The following SEMA6D variants were observed in gnomAD, a reference collection of about 807,000 sequenced individuals.
SEMA6D encodes semaphorin-6D.
In SEMA6D, 35 loss-of-function variants were observed where a neutral mutation model predicts 106.6. The ratio of observed to expected loss-of-function variants is 0.33; its 90% CI spans 0.25 to 0.44. The LOEUF is 0.44. Among genes scored for constraint, SEMA6D ranks in the 20% least tolerant of loss-of-function variants. The probability of loss-of-function intolerance (pLI) is 1.00; values close to 1 mark genes in which losing one functional copy is unlikely to be tolerated. For missense variants in SEMA6D, 1,185 were observed against 1,345.9 expected (o/e 0.88, Z 1.87); for synonymous variants, 499 against 487.7 (o/e 1.02, Z -0.31).
At chr15:47,506,044 G>T (rs766413364) in intron 3 of SEMA6D, among the ~76,000 whole-genome samples, 4 of 152,160 alleles carry the variant, frequency 2.6e-5, no homozygotes, top group Non-Finnish European at 5.9e-5. Flanking sequence ...CAAAGTCAGG[G>T]CAGGAGAGCA....
chr15:47,721,436 G>C (rs1418202052), intron 1 of SEMA6D, among the ~76,000 whole-genome samples: 1 of 152,060 alleles, frequency 6.6e-6, no homozygotes, highest in East Asian at 1.9e-4. Flanking sequence ...CTAGTGTCTT[G>C]GGTTGCCGCT....
chr15:47,643,270 G>A (rs150738088), intron 4 of SEMA6D, among the ~76,000 whole-genome samples: 126 of 152,292 alleles, frequency 8.3e-4, no homozygotes, highest in African/African-American at 2.8e-3. Flanking sequence ...TCCCCACTAC[G>A]TAAAGTGTCC....
intron 1 of SEMA6D, among the ~76,000 whole-genome samples, chr15:47,220,457 G>A (rs282502): frequency 0.037 from 5,689 of 152,240 alleles, 159 homozygotes; most frequent in South Asian, 0.12. Context: ...CAGTGGAAAG[G>A]CTGTAGAACA....
chr15:47,421,963 T>G (rs978337165), intron 2 of SEMA6D, among the ~76,000 whole-genome samples: 2 of 152,202 alleles, frequency 1.3e-5, no homozygotes, highest in East Asian at 3.9e-4. Context: ...ATATGTAACT[T>G]CATAGTGTGT....
intron 1 of SEMA6D, among the ~76,000 whole-genome samples, chr15:47,244,777 A>T (rs1013811835): frequency 5.9e-5 from 9 of 152,154 alleles, no homozygotes; most frequent in Non-Finnish European, 1.2e-4. Context: ...GAGAATGAGG[A>T]TACAAATGAT....
At chr15:47,459,163 C>A (rs1479497389) in intron 2 of SEMA6D, among the ~76,000 whole-genome samples, 1 of 152,040 alleles carries the variant, frequency 6.6e-6, no homozygotes, top group Non-Finnish European at 1.5e-5. Flanking sequence ...GCCAGAGATT[C>A]TTCTTGTAGG....
rs751282439 is a variant in SEMA6D at position 47,771,634 on chromosome 15, C to G, written c.3071C>G (p.Ser1024Cys). 7 of 1,614,014 alleles carry G rather than the reference C, an allele frequency of 4.3e-6. No homozygotes were observed. The highest frequency in any genetic ancestry group is 1.6e-4 in the Middle Eastern group (1 of 6,084). ...GTPVSVHLQPSLSRQSSYTSN... is the reference protein window; with the variant it reads ...GTPVSVHLQPCLSRQSSYTSN... ...CCAGTGAGTGTTCATCTGCAGCCTTCCCTCTCCAGACAGAGCAGCTACACC... is the reference window on the plus strand; with the variant it reads ...CCAGTGAGTGTTCATCTGCAGCCTTGCCTCTCCAGACAGAGCAGCTACACC... Residue 1024 changes from serine to cysteine, a missense_variant, in exon 19 of 19, where the codon TCC becomes TGC. This residue lies in a region of SEMA6D where 750 missense variants were observed against 783.5 expected (regional missense o/e 0.96). Coordinates refer to ENST00000536845, the MANE Select transcript of SEMA6D (RefSeq NM_001358351.3).
At chr15:47,620,521 T>C (rs188564816) in intron 4 of SEMA6D, among the ~76,000 whole-genome samples, 2 of 152,294 alleles carry the variant, frequency 1.3e-5, no homozygotes, top group East Asian at 3.9e-4. Flanking sequence ...TGGTGACTTA[T>C]TGATCTGGTC....
chr15:47,224,130 A>T (rs1213078512), intron 1 of SEMA6D, among the ~76,000 whole-genome samples: 1 of 151,802 alleles, frequency 6.6e-6, no homozygotes, highest in Non-Finnish European at 1.5e-5. Context: ...CACAATGTGC[A>T]CATGTACCCT....
chr15:47,332,048 C>T (rs1474381874), intron 1 of SEMA6D, among the ~76,000 whole-genome samples: 5 of 152,094 alleles, frequency 3.3e-5, no homozygotes, highest in Admixed American at 3.3e-4. Flanking sequence ...TATTATTCTT[C>T]CAATGTGTTA....
intron 4 of SEMA6D, among the ~76,000 whole-genome samples, chr15:47,645,334 CAAT>C (rs930887657): frequency 6.6e-6 from 1 of 152,132 alleles, no homozygotes; most frequent in Non-Finnish European, 1.5e-5. Context: ...GTTTAGGAAA[CAAT>C]AAAACCTTCC....
At chr15:47,641,288 T>TC (rs1190462681) in intron 4 of SEMA6D, among the ~76,000 whole-genome samples, 1 of 152,174 alleles carries the variant, frequency 6.6e-6, no homozygotes, top group Admixed American at 6.5e-5. Flanking sequence ...CAGCTACTGT[T>TC]CAAGATGCAG....
At chr15:47,427,896 C>T (rs2041393669) in intron 2 of SEMA6D, among the ~76,000 whole-genome samples, 1 of 152,078 alleles carries the variant, frequency 6.6e-6, no homozygotes, top group Non-Finnish European at 1.5e-5. Context: ...AGTTCTCTTA[C>T]TCTCTCTTTC....
intron 3 of SEMA6D, among the ~76,000 whole-genome samples, chr15:47,526,835 CAA>C (rs2044775161): frequency 6.6e-6 from 1 of 152,104 alleles, no homozygotes; most frequent in Non-Finnish European, 1.5e-5. Context: ...CTCCCGGGTT[CAA>C]GCGATTCTCC....
intron 1 of SEMA6D, among the ~76,000 whole-genome samples, chr15:47,215,780 T>C (rs2030534454): frequency 6.6e-6 from 1 of 152,182 alleles, no homozygotes. Context: ...CTTGATAATA[T>C]TATAGATTAC....
intron 2 of SEMA6D, among the ~76,000 whole-genome samples, chr15:47,434,839 C>T (rs1245232280): frequency 6.6e-6 from 1 of 152,104 alleles, no homozygotes. Flanking sequence ...TATATCAGTG[C>T]GTTCTTTGTA....
intron 1 of SEMA6D, among the ~76,000 whole-genome samples, chr15:47,351,696 C>T (rs1479308207): frequency 6.6e-6 from 1 of 152,186 alleles, no homozygotes; most frequent in East Asian, 1.9e-4. Context: ...AATTACTGTA[C>T]TTGTTCCTTG....
intron 3 of SEMA6D, among the ~76,000 whole-genome samples, chr15:47,525,909 C>T (rs1258074887): frequency 6.6e-6 from 1 of 152,006 alleles, no homozygotes; most frequent in Admixed American, 6.6e-5. Flanking sequence ...AATAAAAAAA[C>T]AAAGGCGAAA....
chr15:47,318,115 TCCCCTGA>T (rs1194745833), intron 1 of SEMA6D, among the ~76,000 whole-genome samples: 1 of 150,638 alleles, frequency 6.6e-6, no homozygotes, highest in Non-Finnish European at 1.5e-5. Context: ...GTTGGCCCCT[TCCCCTGA>T]CCCACATACT....
Sources: gnomAD v4.1 joint callset for allele counts (sites outside exome capture counted in the v4.1 genomes callset) on GRCh38, gnomAD v4.1.1 for gene constraint, gnomAD v4.1.1 regional missense constraint, MANE v1.5 for transcripts, NCBI Gene and HGNC (gene_info 2026-07-23, HGNC 2026-07-21) for gene names.